The following GRM7 variants were observed in gnomAD, a reference collection of about 807,000 sequenced individuals.
GRM7 encodes the protein glutamate metabotropic receptor 7.
A neutral mutation model predicts 84.5 loss-of-function variants in GRM7; 35 were observed. The observed-to-expected ratio is 0.41, with a 90% CI of 0.32 to 0.55. The LOEUF is 0.55. Among genes scored for constraint, GRM7 ranks in the 20% least tolerant of loss-of-function variants. The pLI is 0.19. For missense variants in GRM7, 1,003 were observed against 1,194.6 expected, an observed-to-expected ratio of 0.84 and a Z score of 2.36; for synonymous variants, 487 against 455.1, an observed-to-expected ratio of 1.07 and a Z score of -0.89.
At chr3:7,032,258 G>A (rs1254979694) in intron 1 of GRM7, among the ~76,000 whole-genome samples, 1 of 152,186 alleles carries the variant, frequency 6.6e-6, no homozygotes, top group African/African-American at 2.4e-5. Context: ...AACTGATTAA[G>A]TAGCTGTGGG....
chr3:7,041,027 C>G (rs1696587269), intron 1 of GRM7, among the ~76,000 whole-genome samples: 1 of 150,672 alleles, frequency 6.6e-6, no homozygotes, highest in Non-Finnish European at 1.5e-5. Flanking sequence ...AGGCTGCAAG[C>G]CATGATCGTG....
At chr3:7,165,271 T>A (rs1260523138) in intron 2 of GRM7, among the ~76,000 whole-genome samples, 1 of 152,168 alleles carries the variant, frequency 6.6e-6, no homozygotes, top group Non-Finnish European at 1.5e-5. Flanking sequence ...AGAATTAAAG[T>A]ATACAGTACA....
chr3:7,316,361 G>A (rs997612502), intron 4 of GRM7, among the ~76,000 whole-genome samples: 23 of 152,210 alleles, frequency 1.5e-4, no homozygotes, highest in African/African-American at 5.5e-4. Context: ...TAGGCTGAAT[G>A]CAGAATATAG....
chr3:7,586,773 A>G (rs1575526453), intron 8 of GRM7, among the ~76,000 whole-genome samples: 2 of 152,080 alleles, frequency 1.3e-5, no homozygotes, highest in Non-Finnish European at 2.9e-5. Context: ...GCACCACTGC[A>G]CTCCAGCCTG....
At chr3:7,434,910 A>T (rs712779) in intron 5 of GRM7, among the ~76,000 whole-genome samples, 9 of 151,928 alleles carry the variant, frequency 5.9e-5, no homozygotes, top group African/African-American at 2.2e-4. Flanking sequence ...ATTCACAAAG[A>T]TAATCATCTG....
intron 7 of GRM7, among the ~76,000 whole-genome samples, chr3:7,564,826 G>C (rs181807892): frequency 7.8e-4 from 119 of 152,210 alleles, no homozygotes; most frequent in Non-Finnish European, 1.5e-3. Context: ...GCCAGGCTTT[G>C]AACCCAGGAC....
chr3:6,903,203 A>AG (rs1235147078), intron 1 of GRM7, among the ~76,000 whole-genome samples: 2 of 139,198 alleles, frequency 1.4e-5, no homozygotes, highest in East Asian at 3.9e-4. Flanking sequence ...AATATTTTAT[A>AG]GGGTTTTTTT....
intron 7 of GRM7, among the ~76,000 whole-genome samples, chr3:7,462,336 G>A (rs1264898579): frequency 6.6e-6 from 1 of 152,052 alleles, no homozygotes; most frequent in Non-Finnish European, 1.5e-5. Flanking sequence ...AAATAATTGG[G>A]TAAGACTCAT....
At chr3:6,903,962 A>G (rs926550987) in intron 1 of GRM7, among the ~76,000 whole-genome samples, 2 of 152,056 alleles carry the variant, frequency 1.3e-5, no homozygotes, top group Non-Finnish European at 1.5e-5. Flanking sequence ...TTTCTAATAA[A>G]TGTTATGTGT....
intron 4 of GRM7, among the ~76,000 whole-genome samples, chr3:7,410,477 G>A (rs912069800): frequency 1.3e-5 from 2 of 151,966 alleles, no homozygotes; most frequent in Non-Finnish European, 2.9e-5. Context: ...GGAGGCTGAG[G>A]TGGGAGGATC....
chr3:7,026,763 A>G (rs1574804483), intron 1 of GRM7, among the ~76,000 whole-genome samples: 1 of 152,214 alleles, frequency 6.6e-6, no homozygotes, highest in South Asian at 2.1e-4. Flanking sequence ...AATGACTCAC[A>G]ATAAAACACA....
chr3:7,026,300 T>G (rs1272920612), intron 1 of GRM7, among the ~76,000 whole-genome samples: 1 of 152,196 alleles, frequency 6.6e-6, no homozygotes, highest in Non-Finnish European at 1.5e-5. Context: ...TAGTAAGGAT[T>G]CTGCTTAACA....
rs773427977 is a variant in GRM7 at position 7,146,696 on chromosome 3, G to A, written c.736+28G>A. 6 of 1,526,930 alleles carry A rather than the reference G, an allele frequency of 3.9e-6. No homozygotes were observed. The East Asian group carries it at 6.8e-5, about 17-fold the overall frequency. The allele number at this position is 1,526,930 out of a possible 1,614,324, so 94.6% of individuals were successfully genotyped here. On this transcript the variant is annotated intron_variant, in intron 2 of 9. Transcript: ENST00000357716. The stretch of plus-strand genomic sequence containing the variant: ...AGGATGAGATTGCTCTGATCAAGCT[G>A]GCTCTCTTCAAACGTCTGTGGCTTG...
intron 2 of GRM7, among the ~76,000 whole-genome samples, chr3:7,162,728 CATTTTTTTTTTTTTTTTTTTTT>C (rs1559478436): frequency 8.8e-5 from 5 of 57,102 alleles, no homozygotes; most frequent in Admixed American, 2.3e-4. Context: ...TCCCATTTTT[CATTTTTTTTTTTTTTTTTTTTT>C]TTTTTTTTTT....
At chr3:7,720,741 T>C (rs775328991) in intron 9 of GRM7, among the ~76,000 whole-genome samples, 1 of 152,244 alleles carries the variant, frequency 6.6e-6, no homozygotes, top group Non-Finnish European at 1.5e-5. Context: ...ATGTTGTCCA[T>C]AACTTTTTGG....
intron 2 of GRM7, among the ~76,000 whole-genome samples, chr3:7,222,424 C>T (rs1251375611): frequency 1.3e-5 from 2 of 151,998 alleles, no homozygotes; most frequent in Non-Finnish European, 2.9e-5. Context: ...GCTGGTTGCT[C>T]CAGAGGTTAA....
intron 1 of GRM7, among the ~76,000 whole-genome samples, chr3:6,958,968 A>T (rs1447864918): frequency 6.6e-6 from 1 of 152,214 alleles, no homozygotes; most frequent in Non-Finnish European, 1.5e-5. Flanking sequence ...AAAACCCATA[A>T]TCAAAATGGT....
intron 1 of GRM7, among the ~76,000 whole-genome samples, chr3:7,015,545 C>T (rs995033857): frequency 2.6e-5 from 4 of 152,168 alleles, no homozygotes; most frequent in Non-Finnish European, 1.5e-5. Context: ...ATAATGAAAA[C>T]ATATCCCAGT....
intron 1 of GRM7, among the ~76,000 whole-genome samples, chr3:7,056,804 C>T (rs373969909): frequency 8.6e-5 from 13 of 151,930 alleles, no homozygotes; most frequent in Non-Finnish European, 1.8e-4. Context: ...TTGTGTATTT[C>T]GTTTTTAATA....
Sources: gnomAD v4.1 joint callset for allele counts (sites outside exome capture counted in the v4.1 genomes callset) on GRCh38, gnomAD v4.1.1 for gene constraint, MANE v1.5 for transcripts, NCBI Gene and HGNC (gene_info 2026-07-23, HGNC 2026-07-21) for gene names.